Variants in RGS7 observed in about 807,000 individuals in gnomAD.
RGS7 encodes the protein regulator of G-protein signaling 7.
In RGS7, 27 loss-of-function variants were observed where a neutral mutation model predicts 81.1. The observed-to-expected ratio is 0.33, with a 90% CI of 0.25 to 0.46. RGS7 has a LOEUF of 0.46. Ranked by LOEUF, RGS7 falls within the 20% of genes least tolerant of loss-of-function variation. The pLI is 1.00. For missense variants in RGS7, 396 were observed against 607.4 expected (o/e 0.65, Z 3.66); for synonymous variants, 208 against 207.7 (o/e 1.00, Z -0.01).
intron 2 of RGS7, among the ~76,000 whole-genome samples, chr1:241,142,897 T>G (rs1173981941): frequency 6.6e-6 from 1 of 152,230 alleles, no homozygotes; most frequent in Non-Finnish European, 1.5e-5. Flanking sequence ...CCAATGCTTT[T>G]AACAGCACCT....
chr1:240,877,251 AT>A (rs537531353), intron 6 of RGS7, among the ~76,000 whole-genome samples: 10 of 150,584 alleles, frequency 6.6e-5, no homozygotes, highest in African/African-American at 2.2e-4. Flanking sequence ...AAAGTAAAAA[AT>A]ATACAGTAAA....
chr1:240,875,220 A>ATTCTACTT (rs1665185820), intron 6 of RGS7, among the ~76,000 whole-genome samples: 1 of 152,138 alleles, frequency 6.6e-6, no homozygotes, highest in Admixed American at 6.5e-5. Context: ...GGTAATCACC[A>ATTCTACTT]TTCTACTTTT....
intron 9 of RGS7, among the ~76,000 whole-genome samples, chr1:240,839,338 G>A (rs1695234733): frequency 6.6e-6 from 1 of 152,152 alleles, no homozygotes; most frequent in African/African-American, 2.4e-5. Flanking sequence ...AAAGCACACG[G>A]TTAGAGTGTG....
At chr1:241,348,362 C>T (rs920635314) in intron 2 of RGS7, among the ~76,000 whole-genome samples, 3 of 152,104 alleles carry the variant, frequency 2.0e-5, no homozygotes, top group Non-Finnish European at 2.9e-5. Flanking sequence ...AGCTAAACTA[C>T]AGGTCAGAGA....
chr1:241,336,798 A>ATG, intron 2 of RGS7, among the ~76,000 whole-genome samples: 1 of 152,360 alleles, frequency 6.6e-6, no homozygotes, highest in Admixed American at 6.5e-5. Flanking sequence ...AAACAATTGC[A>ATG]TGTAACTTAT....
rs560564546 is a variant in RGS7, at chr1:241,310,392, TGA to T, written c.78+45305_78+45306del. Among the ~76,000 whole-genome samples the T allele has an allele frequency of 3.1e-4, 47 of 150,884 alleles. No individual in the cohort carries two copies. The South Asian group carries it at 7.5e-3, about 24-fold the overall frequency. On this transcript the variant is annotated intron_variant, in intron 2 of 18. Coordinates refer to ENST00000440928, the MANE Select transcript of RGS7 (RefSeq NM_001364886.1). ...GTGTGTGTGTGTATGAGTGTGCGTGTGAGTGTGTTTGTGTGTCTGTGTGTGTG... is the reference window on the plus strand; with the variant it reads ...GTGTGTGTGTGTATGAGTGTGCGTGTGTGTGTTTGTGTGTCTGTGTGTGTG...
At chr1:240,832,198 C>A (rs1693970891) in intron 9 of RGS7, among the ~76,000 whole-genome samples, 1 of 152,212 alleles carries the variant, frequency 6.6e-6, no homozygotes, top group Admixed American at 6.5e-5. Context: ...AATAACATTA[C>A]CATTACCAAG....
intron 2 of RGS7, among the ~76,000 whole-genome samples, chr1:241,198,281 C>T (rs1485851527): frequency 2.6e-5 from 4 of 151,302 alleles, no homozygotes; most frequent in Non-Finnish European, 5.9e-5. Flanking sequence ...GCACTAAACT[C>T]AAAAAATCAA....
At chr1:240,919,180 C>A (rs1242759138) in intron 6 of RGS7, among the ~76,000 whole-genome samples, 1 of 152,056 alleles carries the variant, frequency 6.6e-6, no homozygotes, top group African/African-American at 2.4e-5. Context: ...ATACTCCGTA[C>A]AATCTCTTCC....
At chr1:241,341,788 G>C (rs2082564143) in intron 2 of RGS7, among the ~76,000 whole-genome samples, 1 of 149,910 alleles carries the variant, frequency 6.7e-6, no homozygotes. Context: ...AAGAGGTTTA[G>C]TAACTTGACC....
At chr1:241,270,242 T>A (rs1278360170) in intron 2 of RGS7, among the ~76,000 whole-genome samples, 1 of 152,120 alleles carries the variant, frequency 6.6e-6, no homozygotes, top group Non-Finnish European at 1.5e-5. Context: ...TGGGGCCAAT[T>A]CCTATTGAAC....
chr1:241,235,675 TCTTTCTTTCTCTCTC>T (rs879286031), intron 2 of RGS7, among the ~76,000 whole-genome samples: 38,377 of 139,844 alleles, frequency 0.27, 4,737 homozygotes, highest in South Asian at 0.36. Flanking sequence ...TTTCTCTCTC[TCTTTCTTTCTCTCTC>T]TCTTTCTCTC....
chr1:241,324,236 T>C (rs1045168479), intron 2 of RGS7, among the ~76,000 whole-genome samples: 7 of 152,292 alleles, frequency 4.6e-5, no homozygotes, highest in Admixed American at 2.6e-4. Context: ...TACCAGCTTG[T>C]TCACTTAAGA....
chr1:241,159,765 A>G (rs2103185400), intron 2 of RGS7, among the ~76,000 whole-genome samples: 1 of 152,228 alleles, frequency 6.6e-6, no homozygotes, highest in East Asian at 1.9e-4. Context: ...GACAAGAATT[A>G]TGCAGCCAGG....
chr1:240,866,355 C>T (rs954748565), intron 9 of RGS7, among the ~76,000 whole-genome samples: 1 of 152,088 alleles, frequency 6.6e-6, no homozygotes, highest in African/African-American at 2.4e-5. Context: ...ACTAAAAATA[C>T]AAAAAATTAG....
At chr1:240,901,083 C>A (rs1409715659) in intron 6 of RGS7, among the ~76,000 whole-genome samples, 2 of 152,192 alleles carry the variant, frequency 1.3e-5, no homozygotes, top group African/African-American at 2.4e-5. Flanking sequence ...GGGTGTGGGA[C>A]CCTCCGAGCC....
intron 2 of RGS7, among the ~76,000 whole-genome samples, chr1:241,218,292 T>G (rs1177720291): frequency 6.6e-6 from 1 of 152,224 alleles, no homozygotes; most frequent in Non-Finnish European, 1.5e-5. Context: ...ACCATATCTC[T>G]AACCTTATAT....
At chr1:240,976,484 G>T (rs1411461805) in intron 4 of RGS7, among the ~76,000 whole-genome samples, 1 of 152,158 alleles carries the variant, frequency 6.6e-6, no homozygotes, top group Admixed American at 6.5e-5. Context: ...TTTTGGATGA[G>T]ATTAATATTT....
downstream of RGS7, chr1:240,775,444 G>A (rs936474801): frequency 4.6e-5 from 7 of 152,228 alleles, no homozygotes; most frequent in Admixed American, 1.3e-4. Flanking sequence ...TTAACTCTGC[G>A]GTAGTGGGTT....
Sources: allele counts gnomAD v4.1 joint callset (sites outside exome capture counted in the v4.1 genomes callset), GRCh38; gene constraint gnomAD v4.1.1; transcripts MANE v1.5; gene names NCBI Gene and HGNC (gene_info 2026-07-23, HGNC 2026-07-21).